The following ATP1A2 variants were observed in gnomAD, a reference collection of about 807,000 sequenced individuals.
ATP1A2 encodes the protein ATPase Na+/K+ transporting subunit alpha 2, also known as sodium/potassium-transporting ATPase subunit alpha-2.
ATP1A2 carries 56 observed loss-of-function variants against 113.1 expected under a neutral mutation model. The ratio of observed to expected loss-of-function variants is 0.49; its 90% CI spans 0.40 to 0.62. ATP1A2 has a LOEUF of 0.62. ATP1A2 is among the 20% of genes least tolerant of loss of function. The probability of loss-of-function intolerance (pLI) is 0.00; values close to 1 mark genes in which losing one functional copy is unlikely to be tolerated. For missense variants in ATP1A2, 712 were observed against 1,357.8 expected (o/e 0.52, Z 7.47); for synonymous variants, 490 against 526.8 (o/e 0.93, Z 0.96).
chr1:160,115,786 C>T lies in ATP1A2; in HGVS notation c.-76C>T. On this transcript the variant is annotated 5_prime_UTR_variant, in exon 1 of 23. Transcript: ENST00000361216. ...CTGTCTGCCAGGGTCTCCGACTGTCCCAGACGGGCTGGTGTGGGCTTGGGA... is the reference window on the plus strand; with the variant it reads ...CTGTCTGCCAGGGTCTCCGACTGTCTCAGACGGGCTGGTGTGGGCTTGGGA... 1 of 1,550,066 alleles carries T rather than the reference C, an allele frequency of 6.5e-7. No homozygotes were observed. The highest frequency in any genetic ancestry group is 8.8e-7 in the Non-Finnish European group (1 of 1,142,092).
intron 13 of ATP1A2, among the ~76,000 whole-genome samples, chr1:160,131,063 C>T (rs1651755671): frequency 6.6e-6 from 1 of 152,110 alleles, no homozygotes; most frequent in East Asian, 1.9e-4. Context: ...TCTCACTGAC[C>T]ACTCCCTCCT....
At chr1:160,120,829 C>T (rs1651368867) in intron 1 of ATP1A2, 77 bp from the exon 2 acceptor site, 3 of 1,452,766 alleles carry the variant, frequency 2.1e-6, no homozygotes, top group African/African-American at 1.4e-5. Context: ...ACTGCCTGGG[C>T]TCCCTGGCTG....
chr1:160,134,277 C>CCA (rs1480054928), intron 13 of ATP1A2, among the ~76,000 whole-genome samples: 2 of 149,024 alleles, frequency 1.3e-5, no homozygotes, highest in African/African-American at 4.9e-5. Flanking sequence ...TACACACACC[C>CCA]CACACACACA....
At chr1:160,140,846 CTTTTT>C (rs1045304439) in intron 22 of ATP1A2, 6 of 87,084 alleles carry the variant, frequency 6.9e-5, no homozygotes, top group Admixed American at 1.5e-4. Flanking sequence ...CTTTCACCTT[CTTTTT>C]TTTTTTTTTT....
chr1:160,126,568 C>T (rs56287743), intron 7 of ATP1A2, among the ~76,000 whole-genome samples: 14,208 of 152,170 alleles, frequency 0.093, 885 homozygotes, highest in Non-Finnish European at 0.12. Context: ...CTCCCAGGCT[C>T]AAGCGATCTC....
At chr1:160,140,156 T>C (rs550409810) in intron 22 of ATP1A2, 172 bp downstream of exon 22, 5 of 667,996 alleles carry the variant, frequency 7.5e-6, no homozygotes, top group South Asian at 6.8e-5. Context: ...ACCTGTTGTC[T>C]CTGCCCTCTT....
chr1:160,136,447 C>A, intron 18 of ATP1A2, 77 bp downstream of exon 18: 2 of 1,612,362 alleles, frequency 1.2e-6, no homozygotes, highest in Non-Finnish European at 1.7e-6. Context: ...GAGCCCCAAG[C>A]AAAATTCCAG....
At position 160,118,609 on chromosome 1, in the gene ATP1A2, A is replaced by C. The variant is rs185635442; in HGVS notation, c.13-2297A>C. Among the ~76,000 whole-genome samples the C allele has an allele frequency of 6.7e-4, 102 of 152,196 alleles. 1 individual carries two copies. Among genetic ancestry groups the C allele is most frequent in the Admixed American group, 5.0e-3 (77 of 15,292 alleles). Reference sequence around the variant, plus strand: ...TCTGCCTTTAGGAGGCCAAAATTATACCAGATTCATAGATGCTTCAGGTGG... The same window carrying C: ...TCTGCCTTTAGGAGGCCAAAATTATCCCAGATTCATAGATGCTTCAGGTGG... On this transcript the variant is annotated intron_variant, in intron 1 of 22. Transcript: ENST00000361216.
intron 20 of ATP1A2, among the ~76,000 whole-genome samples, chr1:160,138,765 C>A (rs1189969060): frequency 6.6e-6 from 1 of 151,720 alleles, no homozygotes; most frequent in Non-Finnish European, 1.5e-5. Context: ...CACTTGAGCC[C>A]AAGAGGTGGA....
chr1:160,124,711 C>T (rs909615271), intron 6 of ATP1A2, among the ~76,000 whole-genome samples: 6 of 152,154 alleles, frequency 3.9e-5, no homozygotes, highest in African/African-American at 1.2e-4. Flanking sequence ...TATATATGTT[C>T]GATGTGCTAT....
rs780155641 is a variant in ATP1A2 at position 160,128,855 on chromosome 1, T to G, written c.1216+5T>G. The G allele has an allele frequency of 3.0e-5, 48 of 1,613,708 alleles. No individual in the cohort carries two copies. The highest frequency in any genetic ancestry group is 1.5e-5 in the Non-Finnish European group (18 of 1,179,906). The stretch of plus-strand genomic sequence containing the variant: ...ACACCACCGAAGATCAGTCTGGTGA[T>G]TGGGTGCTCCAGAGGGGGTGGATAG... On this transcript the variant is annotated splice_donor_5th_base_variant and intron_variant, in intron 9 of 22. Coordinates refer to ENST00000361216, the MANE Select transcript of ATP1A2 (RefSeq NM_000702.4).
intron 20 of ATP1A2, among the ~76,000 whole-genome samples, chr1:160,139,268 G>A (rs903926527): frequency 2.6e-5 from 4 of 152,152 alleles, no homozygotes; most frequent in African/African-American, 9.7e-5. Flanking sequence ...CACTGAAGGA[G>A]CTTTCAAGCA....
Position 160,119,256 on chromosome 1 carries a change from CAAAAAAAAAA to C in ATP1A2, c.13-1632_13-1623del, listed in dbSNP as rs386368465. Among the ~76,000 whole-genome samples, 32 of 49,428 alleles carry C rather than the reference CAAAAAAAAAA, an allele frequency of 6.5e-4. 1 individual carries two copies. Among genetic ancestry groups the C allele is most frequent in the Admixed American group, 1.2e-3 (3 of 2,592 alleles). 32.4% of individuals were successfully genotyped at this position (49,428 alleles called of 152,430 possible). ...AAACCCCCAAAACTGCATTATCCTG[CAAAAAAAAAA>C]AAAAAAAAAAAAAAAAAGCAAACAC... On this transcript the variant is annotated intron_variant, in intron 1 of 22. Transcript: ENST00000361216.
rs1184118465 is a variant in ATP1A2 at position 160,135,526 on chromosome 1, T to C, written c.2208T>C (p.Ser736=). 1 of 1,614,204 alleles carries C rather than the reference T, an allele frequency of 6.2e-7. No individual in the cohort carries two copies. ...GCATTGCCATGGGCATCTCTGGCTC[T>C]GACGTCTCTAAGCAGGCAGCCGACA... is the stretch of plus-strand genomic sequence containing the variant. ...DIGIAMGISG[S]DVSKQAADMI... is the part of the protein sequence containing the mutation. The change falls in exon 16 of 23, where the codon TCT becomes TCC. Residue 736 remains serine (S), a synonymous_variant. Coordinates refer to ENST00000361216, the MANE Select transcript of ATP1A2 (RefSeq NM_000702.4). This position sits in a 1 kb window ranked among gnomAD's most constrained non-coding sequence, Gnocchi z 6.3.
At chr1:160,117,344 G>A (rs917680900) in intron 1 of ATP1A2, among the ~76,000 whole-genome samples, 1 of 152,160 alleles carries the variant, frequency 6.6e-6, no homozygotes, top group Non-Finnish European at 1.5e-5. Flanking sequence ...AGTGAAGAGA[G>A]AAGGAGGGGA....
chr1:160,139,510 T>G, intron 20 of ATP1A2, 130 bp from the exon 21 acceptor site: 2 of 792,706 alleles, frequency 2.5e-6, no homozygotes, highest in Non-Finnish European at 2.2e-6. Context: ...GAGAAGAGGC[T>G]GTTGGAAGAA....
chr1:160,131,694 A>G (rs931550450), intron 13 of ATP1A2, among the ~76,000 whole-genome samples: 80 of 152,132 alleles, frequency 5.3e-4, no homozygotes, highest in African/African-American at 1.9e-3. Context: ...AGCCACGTGT[A>G]GTGGCAGGTG....
chr1:160,137,013 T>C lies in ATP1A2; in HGVS notation c.2822T>C (p.Val941Ala). The change falls in exon 20 of 23, where the codon GTC (valine) becomes GCC (alanine). Residue 941 changes from valine to alanine, a missense_variant. By Grantham distance (64) the Val-to-Ala change is moderately conservative. Transcript: ENST00000361216. ...ATCTGCAAGACCCGCCGCAACTCAG[T>C]CTTCCAGCAGGGCATGAAGTGAGTG... is the stretch of plus-strand genomic sequence containing the variant. Reference protein sequence around the residue: ...LIICKTRRNSVFQQGMKNKIL... With the variant: ...LIICKTRRNSAFQQGMKNKIL... 6.2e-7 allele frequency: 1 copy of C among 1,614,156 alleles called. No individual in the cohort carries two copies. Among genetic ancestry groups the C allele is most frequent in the Non-Finnish European group, 8.5e-7 (1 of 1,180,028 alleles).
chr1:160,125,846 T>C (rs1651569552), intron 7 of ATP1A2, among the ~76,000 whole-genome samples: 1 of 152,150 alleles, frequency 6.6e-6, no homozygotes, highest in Non-Finnish European at 1.5e-5. Flanking sequence ...CAAAGGTCAA[T>C]AAGAACTCCC....
Sources: gnomAD v4.1 joint callset for allele counts (sites outside exome capture counted in the v4.1 genomes callset) on GRCh38, gnomAD v4.1.1 for gene constraint, Gnocchi (gnomAD v3.1) non-coding constraint, MANE v1.5 for transcripts, NCBI Gene and HGNC (gene_info 2026-07-23, HGNC 2026-07-21) for gene names.